The following TMPRSS11E variants were observed in gnomAD, a reference collection of about 807,000 sequenced individuals.
TMPRSS11E encodes transmembrane serine protease 11E, also known as transmembrane protease serine 11E.
Under a neutral mutation model 48.1 loss-of-function variants are expected in TMPRSS11E, and 38 were observed. That is an observed-to-expected ratio of 0.79 (90% CI 0.61 to 1.04). The LOEUF is 1.04. Ranked by LOEUF, TMPRSS11E falls within the 50% of genes least tolerant of loss-of-function variation. TMPRSS11E has a pLI of 0.00. For missense variants in TMPRSS11E, 530 were observed against 510.8 expected, an observed-to-expected ratio of 1.04 and a Z score of -0.36; for synonymous variants, 158 against 171.9, an observed-to-expected ratio of 0.92 and a Z score of 0.63.
Position 68,496,738 on chromosome 4 carries a change from C to A in TMPRSS11E, c.1206C>A (p.Asn402Lys), listed in dbSNP as rs755009594. 6.2e-7 allele frequency: 1 copy of A among 1,613,612 alleles called. No individual in the cohort carries two copies. ...VSWGDECAKP[N>K]KPGVYTRVTA... is the part of the protein sequence containing the mutation. ...GGGGAGATGAATGTGCGAAACCCAA[C>A]AAGCCTGGTGTTTATACTAGAGTTA... Residue 402 changes from asparagine (N) to lysine (K), a missense_variant, in exon 10 of 10, where the codon AAC becomes AAA. By Grantham distance (94) the Asn-to-Lys change is moderately conservative. Coordinates refer to ENST00000305363, the MANE Select transcript of TMPRSS11E (RefSeq NM_014058.4).
chr4:68,467,443 CCTGGAAA>C (rs974831255), intron 3 of TMPRSS11E, among the ~76,000 whole-genome samples: 51 of 152,190 alleles, frequency 3.4e-4, no homozygotes, highest in African/African-American at 1.2e-3. Flanking sequence ...TTTAACTTTT[CCTGGAAA>C]CCTGTGAGGT....
At chr4:68,452,081 A>G (rs1199088070) in intron 1 of TMPRSS11E, among the ~76,000 whole-genome samples, 1 of 151,930 alleles carries the variant, frequency 6.6e-6, no homozygotes, top group East Asian at 1.9e-4. Flanking sequence ...CTCTAAAGGA[A>G]GGGAACAAAA....
chr4:68,461,793 TAATC>T, intron 1 of TMPRSS11E, 24 bp from the exon 2 acceptor site: 1 of 1,613,966 alleles, frequency 6.2e-7, no homozygotes, highest in Non-Finnish European at 8.5e-7. Context: ...TGCTCTGAAA[TAATC>T]TATCTATTTA....
chr4:68,456,048 G>T (rs1206401363), intron 1 of TMPRSS11E, among the ~76,000 whole-genome samples: 1 of 151,872 alleles, frequency 6.6e-6, no homozygotes, highest in Non-Finnish European at 1.5e-5. Context: ...AGTCACCTGT[G>T]CTGTACCATA....
chr4:68,493,223 G>A lies in TMPRSS11E; in HGVS notation c.1111-3420G>A, dbSNP rs745784910. Among the ~76,000 whole-genome samples the A allele has an allele frequency of 1.3e-4, 19 of 151,720 alleles. 1 individual carries two copies. Among genetic ancestry groups the A allele is most frequent in the South Asian group, 2.1e-4 (1 of 4,810 alleles). Reference sequence around the variant, plus strand: ...ATTTACAACTCATGGCCAACCTTACGTTATCCGTACATACCCTGATAAAAT... The same window carrying A: ...ATTTACAACTCATGGCCAACCTTACATTATCCGTACATACCCTGATAAAAT... On this transcript the variant is annotated intron_variant, in intron 9 of 9. Transcript: ENST00000305363.
chr4:68,477,825 C>A (rs1026340), intron 8 of TMPRSS11E, among the ~76,000 whole-genome samples, 197 bp downstream of exon 8: 100,524 of 151,978 alleles, frequency 0.66, 33,622 homozygotes, highest in East Asian at 0.86. Flanking sequence ...GTAAATTGCT[C>A]CTACTATATA....
At chr4:68,488,050 C>A (rs188140036) in intron 9 of TMPRSS11E, among the ~76,000 whole-genome samples, 2 of 151,898 alleles carry the variant, frequency 1.3e-5, no homozygotes, top group Admixed American at 1.3e-4. Flanking sequence ...GATATCACCC[C>A]CTTTGTATGT....
intron 3 of TMPRSS11E, among the ~76,000 whole-genome samples, chr4:68,466,976 C>T (rs939434396): frequency 9.2e-5 from 14 of 152,016 alleles, no homozygotes; most frequent in African/African-American, 3.4e-4. Context: ...TCGGTCAGGT[C>T]CTTCTTACTC....
intron 1 of TMPRSS11E, among the ~76,000 whole-genome samples, chr4:68,457,204 A>G (rs1168953508): frequency 6.6e-6 from 1 of 152,124 alleles, no homozygotes; most frequent in Non-Finnish European, 1.5e-5. Flanking sequence ...TAAATTTACA[A>G]GAAGAAAACA....
intron 7 of TMPRSS11E, among the ~76,000 whole-genome samples, chr4:68,476,841 A>G (rs1036781960): frequency 2.6e-5 from 4 of 152,192 alleles, no homozygotes; most frequent in Non-Finnish European, 4.4e-5. Flanking sequence ...AATACGAAGA[A>G]TTATGTAATG....
intron 9 of TMPRSS11E, among the ~76,000 whole-genome samples, chr4:68,484,166 T>C (rs1729488990): frequency 6.6e-6 from 1 of 152,220 alleles, no homozygotes; most frequent in African/African-American, 2.4e-5. Context: ...TTACTAATTC[T>C]GTGAAAAATG....
At chr4:68,485,708 A>T (rs1729534047) in intron 9 of TMPRSS11E, among the ~76,000 whole-genome samples, 1 of 152,042 alleles carries the variant, frequency 6.6e-6, no homozygotes, top group African/African-American at 2.4e-5. Context: ...TTTTGGGAGT[A>T]TTTTCAATAT....
intron 9 of TMPRSS11E, among the ~76,000 whole-genome samples, chr4:68,491,191 G>T (rs953030064): frequency 1.4e-5 from 2 of 147,758 alleles, no homozygotes; most frequent in African/African-American, 5.0e-5. Context: ...TCCTCTTATT[G>T]ATTATTTTAC....
Position 68,466,631 on chromosome 4 carries a change from A to G in TMPRSS11E, c.137A>G (p.Asn46Ser). The G allele has an allele frequency of 6.2e-7, 1 of 1,611,660 alleles. No homozygotes were observed. Among genetic ancestry groups the G allele is most frequent in the Non-Finnish European group, 8.5e-7 (1 of 1,178,988 alleles). The change falls in exon 3 of 10, where the codon AAT becomes AGT. Residue 46 changes from asparagine to serine, a missense_variant and splice_region_variant. Physicochemically the swap from Asn to Ser is conservative, Grantham distance 46 (BLOSUM62 1). Transcript: ENST00000305363. The stretch of plus-strand genomic sequence containing the variant: ...TAGTGTTTTGCTTCTTTCCTTGTAG[A>G]TCAAAAGAAGACCTACAATTACTAT... ...IGLTVHYVRY[N>S]QKKTYNYYST...
intron 9 of TMPRSS11E, 127 bp from the exon 10 acceptor site, chr4:68,496,516 T>C (rs977929627): frequency 2.2e-6 from 2 of 908,280 alleles, no homozygotes; most frequent in Non-Finnish European, 3.3e-6. Flanking sequence ...GAAAATCACT[T>C]ATGCATGCGA....
Position 68,468,915 on chromosome 4 carries a change from G to T in TMPRSS11E, c.295G>T (p.Glu99Ter). 1 of 1,611,702 alleles carries T rather than the reference G, an allele frequency of 6.2e-7. No homozygotes were observed. The highest frequency in any genetic ancestry group is 8.5e-7 in the Non-Finnish European group (1 of 1,178,092). The change falls in exon 4 of 10, where the codon GAA (glutamate) becomes TAA (stop). Residue 99 changes from glutamate to a stop codon, truncating the protein, a stop_gained. Coordinates refer to ENST00000305363, the MANE Select transcript of TMPRSS11E (RefSeq NM_014058.4). LOFTEE classifies it high-confidence loss of function. The stretch of plus-strand genomic sequence containing the variant: ...ATTTTATAAATCTCCATTAAGGGAA[G>T]AATTTGTCAAGTCTCAGGTTATCAA... ...NAFYKSPLRE[E>*]FVKSQVIKFS...
chr4:68,485,393 C>T (rs1460490074), intron 9 of TMPRSS11E, among the ~76,000 whole-genome samples: 4 of 152,130 alleles, frequency 2.6e-5, no homozygotes, highest in Admixed American at 6.5e-5. Context: ...GTGATCCACA[C>T]ATCTCGGCCT....
chr4:68,483,248 C>A (rs1051639699), intron 9 of TMPRSS11E, among the ~76,000 whole-genome samples: 1 of 150,800 alleles, frequency 6.6e-6, no homozygotes, highest in East Asian at 2.0e-4. Flanking sequence ...AAAGCAGGAG[C>A]GAGAGAGAGA....
intron 5 of TMPRSS11E, among the ~76,000 whole-genome samples, chr4:68,471,878 G>T (rs890392185): frequency 7.2e-5 from 11 of 151,754 alleles, no homozygotes; most frequent in Non-Finnish European, 1.3e-4. Flanking sequence ...TTTGGCTATA[G>T]AATCCAATTA....
Sources: gnomAD v4.1 joint callset for allele counts (sites outside exome capture counted in the v4.1 genomes callset) on GRCh38, gnomAD v4.1.1 for gene constraint, MANE v1.5 for transcripts, NCBI Gene and HGNC (gene_info 2026-07-23, HGNC 2026-07-21) for gene names.